THOC5: variants seen among roughly 807,000 people sequenced by gnomAD.
THOC5 encodes THO complex subunit 5, also known as Fms-interacting protein.
THOC5 carries 43 observed loss-of-function variants against 92.9 expected under a neutral mutation model. The ratio of observed to expected loss-of-function variants is 0.46; its 90% CI spans 0.36 to 0.60. THOC5 has a LOEUF of 0.60. Ranked by LOEUF, THOC5 falls within the 20% of genes least tolerant of loss-of-function variation. The pLI is 0.00. For synonymous variants in THOC5, 296 were observed against 320.1 expected (o/e 0.92, Z 0.80); for missense variants, 659 against 849.4 (o/e 0.78, Z 2.79).
intron 1 of THOC5, among the ~76,000 whole-genome samples, chr22:29,549,790 C>G (rs2064104709): frequency 6.6e-6 from 1 of 152,066 alleles, no homozygotes; most frequent in Non-Finnish European, 1.5e-5. Flanking sequence ...CTCCTAGCTG[C>G]AACTGCACCC....
chr22:29,542,824 C>T lies in THOC5; in HGVS notation c.452+35G>A. On this transcript the variant is annotated intron_variant, in intron 5 of 19. Transcript: ENST00000490103. ...ATGGGAAAAAGCAGTTACCGAAAGA[C>T]CACATGTGCCAAAGCCCTGTCCTCC... 5 of 1,458,854 alleles carry T rather than the reference C, an allele frequency of 3.4e-6. No individual in the cohort carries two copies. The East Asian group carries it at 9.1e-5, about 27-fold the overall frequency. The allele number at this position is 1,458,854 out of a possible 1,614,324, so 90.4% of individuals were successfully genotyped here.
intron 5 of THOC5, among the ~76,000 whole-genome samples, chr22:29,540,993 C>G (rs737979): frequency 0.89 from 135,861 of 152,152 alleles, 60,903 homozygotes; most frequent in African/African-American, 0.97. Context: ...GAAATGGGTG[C>G]ATCATCTGAA....
At chr22:29,521,329 A>C (rs2063437445) in intron 12 of THOC5, among the ~76,000 whole-genome samples, 1 of 152,208 alleles carries the variant, frequency 6.6e-6, no homozygotes, top group Non-Finnish European at 1.5e-5. Context: ...CAAGGCTTTA[A>C]AAGATATGGC....
chr22:29,536,632 T>C lies in THOC5; in HGVS notation c.706A>G (p.Ile236Val). ...AGGCCAGAGGGCCCCACCTGCATGA[T>C]GCTGTTGAGGCGGGGCTGGAGGCTG... ...LSSLQPRLNS[I>V]MQASLPVQEY... Residue 236 changes from isoleucine (I) to valine (V), a missense_variant, in exon 7 of 20, where the codon ATC becomes GTC. By Grantham distance (29) the Ile-to-Val change is conservative. Coordinates refer to ENST00000490103, the MANE Select transcript of THOC5 (RefSeq NM_003678.5). 3 of 1,603,192 alleles carry C rather than the reference T, an allele frequency of 1.9e-6. No homozygotes were observed. The highest frequency in any genetic ancestry group is 2.6e-6 in the Non-Finnish European group (3 of 1,170,022).
chr22:29,510,832 G>T (rs1441444367), intron 19 of THOC5, among the ~76,000 whole-genome samples: 4 of 152,286 alleles, frequency 2.6e-5, no homozygotes, highest in Middle Eastern at 3.4e-3. Flanking sequence ...GATGCACACA[G>T]TTTAAAAAGC....
chr22:29,522,288 AGACG>A (rs2063458439), intron 12 of THOC5, among the ~76,000 whole-genome samples: 1 of 151,852 alleles, frequency 6.6e-6, no homozygotes, highest in Admixed American at 6.6e-5. Flanking sequence ...TGAACCCGGG[AGACG>A]GAGCTGGCAA....
At chr22:29,541,849 A>G (rs2063892372) in intron 5 of THOC5, among the ~76,000 whole-genome samples, 1 of 125,198 alleles carries the variant, frequency 8.0e-6, no homozygotes, top group Non-Finnish European at 1.6e-5. Context: ...CGACAGAGCA[A>G]GACTCCATCT....
At chr22:29,537,719 G>A (rs1569227293) in intron 6 of THOC5, among the ~76,000 whole-genome samples, 1 of 151,840 alleles carries the variant, frequency 6.6e-6, no homozygotes, top group Non-Finnish European at 1.5e-5. Context: ...GTGAAACCCC[G>A]CTTCTACTAA....
chr22:29,507,490 C>G lies in THOC5; in HGVS notation c.*967G>C, dbSNP rs1010191660. The G allele has an allele frequency of 1.3e-5, 2 of 152,222 alleles. No homozygotes were observed. The highest frequency in any genetic ancestry group is 2.9e-5 in the Non-Finnish European group (2 of 68,050). The allele number at this position is 152,222 out of a possible 1,614,324, so 9.4% of individuals were successfully genotyped here. A position where few individuals can be genotyped will look rare whatever the true frequency, so the allele number is the denominator to read the frequency against. On this transcript the variant is annotated 3_prime_UTR_variant, in exon 20 of 20. Transcript: ENST00000490103. ...AATTCTGCCTCAGCCTCCTGAGTAA[C>G]TGGGACTACAGGCATGCGCCACCAC...
At chr22:29,526,802 C>CA (rs1003147429) in intron 11 of THOC5, among the ~76,000 whole-genome samples, 3 of 152,272 alleles carry the variant, frequency 2.0e-5, no homozygotes, top group Admixed American at 2.0e-4. Flanking sequence ...TTCTCTCCCC[C>CA]AAATCCATAA....
intron 6 of THOC5, among the ~76,000 whole-genome samples, chr22:29,538,800 G>GAA (rs1491105374): frequency 0.029 from 949 of 32,994 alleles, 358 homozygotes; most frequent in African/African-American, 0.09. Flanking sequence ...CCATCTCTTT[G>GAA]GAAAAAAAAA....
At position 29,536,648 on chromosome 22, in the gene THOC5, C is replaced by T. The variant is rs1450757578; in HGVS notation, c.690G>A (p.Gln230=). 2 of 1,612,796 alleles carry T rather than the reference C, an allele frequency of 1.2e-6. No homozygotes were observed. Among genetic ancestry groups the T allele is most frequent in the Non-Finnish European group, 1.7e-6 (2 of 1,178,750 alleles). The part of the protein sequence containing the change: ...EVKKEYLSSL[Q]PRLNSIMQAS... ...CCTGCATGATGCTGTTGAGGCGGGG[C>T]TGGAGGCTGCTCAGGTACTCCTTCT... Residue 230 remains glutamine (Q), a synonymous_variant, in exon 7 of 20, where the codon CAG becomes CAA. Coordinates refer to ENST00000490103, the MANE Select transcript of THOC5 (RefSeq NM_003678.5).
chr22:29,529,186 A>G lies in THOC5; in HGVS notation c.901T>C (p.Phe301Leu). 6.2e-7 allele frequency: 1 copy of G among 1,614,202 alleles called. No individual in the cohort carries two copies. Among genetic ancestry groups the G allele is most frequent in the Non-Finnish European group, 8.5e-7 (1 of 1,180,032 alleles). Residue 301 changes from phenylalanine (F) to leucine (L), a missense_variant, in exon 9 of 20, where the codon TTC becomes CTC. Coordinates refer to ENST00000490103, the MANE Select transcript of THOC5 (RefSeq NM_003678.5). ...EGSVDEAKAL[F>L]KPPEDSQDDE... ...CCTTGGGAGTCCTCTGGAGGTTTGA[A>G]CAGAGCCTTGGCTTCATCCACACTG...
rs1361639783 is a variant in THOC5, at chr22:29,507,878, G to C, written c.*579C>G. 6.5e-6 allele frequency: 1 copy of C among 153,486 alleles called. No homozygotes were observed. Among genetic ancestry groups the C allele is most frequent in the Non-Finnish European group, 1.4e-5 (1 of 69,008 alleles). The allele number at this position is 153,486 out of a possible 1,614,324, so 9.5% of individuals were successfully genotyped here. A position where few individuals can be genotyped will look rare whatever the true frequency, so the allele number is the denominator to read the frequency against. ...TTTTCAACTGTGCAGGGCAGGGGGT[G>C]TTGGTGCCCCTAACCCCTGAGTTGT... is the stretch of plus-strand genomic sequence containing the variant. On this transcript the variant is annotated 3_prime_UTR_variant, in exon 20 of 20. Transcript: ENST00000490103.
At position 29,507,661 on chromosome 22, in the gene THOC5, C is replaced by T. The variant is rs766772941; in HGVS notation, c.*796G>A. Reference sequence around the variant, plus strand: ...GACGTGAGCCACTGCACTCAGGCCCCCTTGTGACTTTCCTTATAACATTTT... The same window carrying T: ...GACGTGAGCCACTGCACTCAGGCCCTCTTGTGACTTTCCTTATAACATTTT... On this transcript the variant is annotated 3_prime_UTR_variant, in exon 20 of 20. Coordinates refer to ENST00000490103, the MANE Select transcript of THOC5 (RefSeq NM_003678.5). 2.0e-5 allele frequency: 3 copies of T among 152,150 alleles called. No homozygotes were observed. The highest frequency in any genetic ancestry group is 4.4e-5 in the Non-Finnish European group (3 of 68,022). The allele number at this position is 152,150 out of a possible 1,614,324, so 9.4% of individuals were successfully genotyped here. A position where few individuals can be genotyped will look rare whatever the true frequency, so the allele number is the denominator to read the frequency against.
chr22:29,508,408 C>G lies in THOC5; in HGVS notation c.*49G>C. On this transcript the variant is annotated 3_prime_UTR_variant, in exon 20 of 20. Transcript: ENST00000490103. ...GTGGGCCAGAGCAGAAAGCAGAAGC[C>G]CAGTGCTCAGGGTGAGGCCTTGGGG... The G allele has an allele frequency of 6.3e-7, 1 of 1,576,920 alleles. No individual in the cohort carries two copies. The highest frequency in any genetic ancestry group is 2.2e-5 in the East Asian group (1 of 44,678).
At chr22:29,531,127 G>A in intron 8 of THOC5, 1 of 1,180,230 alleles carries the variant, frequency 8.5e-7, no homozygotes, top group Non-Finnish European at 1.1e-6. Flanking sequence ...ATGGAAACAG[G>A]AGGGAGAACA....
intron 17 of THOC5, among the ~76,000 whole-genome samples, chr22:29,515,401 CTT>C (rs1202394915): frequency 6.6e-6 from 1 of 152,112 alleles, no homozygotes; most frequent in African/African-American, 2.4e-5. Flanking sequence ...GCAAACATAA[CTT>C]TTATACGTAC....
At chr22:29,520,758 A>G (rs2063425388) in intron 13 of THOC5, among the ~76,000 whole-genome samples, 1 of 152,236 alleles carries the variant, frequency 6.6e-6, no homozygotes, top group African/African-American at 2.4e-5. Context: ...GGCCTTCCAA[A>G]GTGCTGGGAT....
Sources: allele counts gnomAD v4.1 joint callset (sites outside exome capture counted in the v4.1 genomes callset), GRCh38; gene constraint gnomAD v4.1.1; transcripts MANE v1.5; gene names NCBI Gene and HGNC (gene_info 2026-07-23, HGNC 2026-07-21).